Variants in TTC39A observed in about 807,000 individuals in gnomAD.
TTC39A encodes tetratricopeptide repeat domain 39A, also known as tetratricopeptide repeat protein 39A.
Under a neutral mutation model 82.3 loss-of-function variants are expected in TTC39A, and 46 were observed. That is an observed-to-expected ratio of 0.56 (90% CI 0.44 to 0.71). TTC39A has a LOEUF of 0.71. Ranked by LOEUF, TTC39A falls within the 30% of genes least tolerant of loss-of-function variation. The pLI, the probability that TTC39A is intolerant of heterozygous loss-of-function variation, is 0.00. For synonymous variants in TTC39A, 254 were observed against 275.2 expected (o/e 0.92, Z 0.76); for missense variants, 543 against 712.9 (o/e 0.76, Z 2.71).
Position 51,305,099 on chromosome 1 carries a change from C to G in TTC39A, c.636G>C (p.Val212=), listed in dbSNP as rs1161293493. 1 of 1,613,564 alleles carries G rather than the reference C, an allele frequency of 6.2e-7. No individual in the cohort carries two copies. Among genetic ancestry groups the G allele is most frequent in the Non-Finnish European group, 8.5e-7 (1 of 1,179,646 alleles). The stretch of plus-strand genomic sequence containing the variant: ...TGGTTACCTTGTTTCCTGAAAACCC[C>G]ACAAACTCCAACAGCCTCAGGATCC... ...PTRILRLLEF[V]GFSGNKDYGL... The change falls in exon 8 of 18, where the codon GTG becomes GTC. Residue 212 remains valine (V), a synonymous_variant. Transcript: ENST00000680483.
upstream of TTC39A, chr1:51,331,149 C>T (rs1349457853): frequency 2.7e-5 from 41 of 1,505,324 alleles, no homozygotes; most frequent in Admixed American, 3.3e-4. Context: ...CGCATGGTCA[C>T]TCACCTAATA....
chr1:51,306,240 C>A (rs145068695), intron 6 of TTC39A, among the ~76,000 whole-genome samples, 164 bp from the exon 7 acceptor site: 23 of 152,276 alleles, frequency 1.5e-4, no homozygotes, highest in Admixed American at 3.9e-4. Context: ...CCATCTCCCA[C>A]CATGATAACA....
chr1:51,294,596 C>G lies in TTC39A; in HGVS notation c.1146-85G>C. ...CCCCAGCCTACCCAGCTATGCTTGG[C>G]GCCTCTCTGGGCCTCAGTTTCCCCA... On this transcript the variant is annotated intron_variant, in intron 13 of 17. Transcript: ENST00000680483. The surrounding 1 kb of genome is among the most constrained non-coding windows in gnomAD (Gnocchi z 4.3). 1 of 1,575,562 alleles carries G rather than the reference C, an allele frequency of 6.3e-7. No individual in the cohort carries two copies. Among genetic ancestry groups the G allele is most frequent in the Non-Finnish European group, 8.6e-7 (1 of 1,159,758 alleles).
intron 1 of TTC39A, among the ~76,000 whole-genome samples, chr1:51,337,257 C>A (rs1209175604): frequency 2.0e-5 from 3 of 152,026 alleles, no homozygotes; most frequent in Non-Finnish European, 2.9e-5. Flanking sequence ...ACACCAGCCT[C>A]CTTGCTCACC....
intron 4 of TTC39A, among the ~76,000 whole-genome samples, chr1:51,311,599 C>A (rs933250662): frequency 3.3e-5 from 5 of 152,160 alleles, no homozygotes; most frequent in Non-Finnish European, 5.9e-5. Context: ...GAGGGTAAGG[C>A]CACTTTCCCC....
chr1:51,330,768 G>A (rs1645889684), upstream of TTC39A: 3 of 430,984 alleles, frequency 7.0e-6, no homozygotes, highest in Non-Finnish European at 7.1e-6. The surrounding 1 kb of genome is among the most constrained non-coding windows in gnomAD (Gnocchi z 4.5). Context: ...GACACCGCCC[G>A]GGCCGGGAGC....
rs1569969001 is a variant in TTC39A at position 51,322,378 on chromosome 1, T to C, written c.42-553A>G. 23 of 1,103,840 alleles carry C rather than the reference T, an allele frequency of 2.1e-5. 1 individual carries two copies. In the South Asian group the frequency reaches 7.1e-4, roughly 34 times the overall value. The allele number at this position is 1,103,840 out of a possible 1,614,324, so 68.4% of individuals were successfully genotyped here. On this transcript the variant is annotated intron_variant, in intron 1 of 17. Transcript: ENST00000680483. ...TTGCCAATGGCTCCTCCAGAATACCTGAGCCCTTTCCAGTCCTTACGTTTC... is the reference window on the plus strand; with the variant it reads ...TTGCCAATGGCTCCTCCAGAATACCCGAGCCCTTTCCAGTCCTTACGTTTC...
At chr1:51,343,144 A>G (rs56078667) in intron 1 of TTC39A, 7,764 of 444,136 alleles carry the variant, frequency 0.017, 114 homozygotes, top group Non-Finnish European at 0.028. Flanking sequence ...CCATGTCCTC[A>G]TCAAAACTGA....
At chr1:51,309,406 T>A (rs746647136) in intron 5 of TTC39A, 81 bp from the exon 6 acceptor site, 4 of 1,601,754 alleles carry the variant, frequency 2.5e-6, no homozygotes, top group Non-Finnish European at 3.4e-6. Context: ...GCTCTGGGCC[T>A]GACTGCCCCT....
chr1:51,293,930 T>C (rs540970095), intron 14 of TTC39A, among the ~76,000 whole-genome samples: 11 of 152,346 alleles, frequency 7.2e-5, no homozygotes, highest in Admixed American at 1.3e-4. Flanking sequence ...AATCAGGCAA[T>C]AGGCAATGGG....
chr1:51,302,282 A>T, intron 11 of TTC39A, 75 bp downstream of exon 11: 1 of 852,514 alleles, frequency 1.2e-6, no homozygotes, highest in Non-Finnish European at 1.7e-6. Context: ...TGAGTATGTC[A>T]CATGTGCCTG....
intron 8 of TTC39A, 134 bp from the exon 9 acceptor site, chr1:51,303,326 T>C: frequency 1.4e-6 from 1 of 720,780 alleles, no homozygotes; most frequent in East Asian, 2.7e-5. Flanking sequence ...GTCAGCTGTG[T>C]GGCCCTGAGC....
rs750664263 is a variant in TTC39A, at chr1:51,321,679, C to G, written c.146+42G>C. Reference sequence around the variant, plus strand: ...TACAAGACCTCTGGTTCTCCCTGACCGTCATGCACACCCCCTACCCCAACC... The same window carrying G: ...TACAAGACCTCTGGTTCTCCCTGACGGTCATGCACACCCCCTACCCCAACC... On this transcript the variant is annotated intron_variant, in intron 2 of 17. Transcript: ENST00000680483. The surrounding 1 kb of genome is among the most constrained non-coding windows in gnomAD (Gnocchi z 4.6). 6.3e-7 allele frequency: 1 copy of G among 1,582,902 alleles called. No homozygotes were observed. The highest frequency in any genetic ancestry group is 8.6e-7 in the Non-Finnish European group (1 of 1,156,254).
chr1:51,307,054 G>A (rs1045012503), intron 6 of TTC39A, among the ~76,000 whole-genome samples: 4 of 152,126 alleles, frequency 2.6e-5, no homozygotes, highest in Admixed American at 2.0e-4. Context: ...CCCTGAGGTC[G>A]GAACCACCTT....
chr1:51,315,560 C>A (rs147100298), intron 2 of TTC39A, among the ~76,000 whole-genome samples: 367 of 152,234 alleles, frequency 2.4e-3, no homozygotes, highest in Middle Eastern at 0.01. Context: ...ACTGAAGCTC[C>A]CCCTACTCCA....
intron 1 of TTC39A, among the ~76,000 whole-genome samples, chr1:51,339,743 G>A (rs1273012193): frequency 6.6e-6 from 1 of 152,180 alleles, no homozygotes; most frequent in Non-Finnish European, 1.5e-5. Flanking sequence ...GGGCAACATG[G>A]TGAAACCCCA....
intron 15 of TTC39A, 58 bp from the exon 16 acceptor site, chr1:51,290,177 T>G: frequency 6.6e-7 from 1 of 1,506,690 alleles, no homozygotes; most frequent in Non-Finnish European, 9.1e-7. Context: ...AGCAGTTACT[T>G]ATGGAGCCCC....
At chr1:51,311,150 G>T in intron 5 of TTC39A, 104 bp downstream of exon 5, 1 of 1,100,004 alleles carries the variant, frequency 9.1e-7, no homozygotes, top group Non-Finnish European at 1.3e-6. Flanking sequence ...AGTCGTGGTT[G>T]CTATGGGGGA....
chr1:51,345,070 CGCGGGCGGCCCCTCGCGGCG>C, exon 1 of TTC39A: 1 of 1,345,284 alleles, frequency 7.4e-7, no homozygotes, highest in Non-Finnish European at 9.5e-7. Flanking sequence ...CGGACGGGGC[CGCGGGCGGCCCCTCGCGGCG>C]GCGGCGGCGG....
Sources: gnomAD v4.1 joint callset for allele counts (sites outside exome capture counted in the v4.1 genomes callset) on GRCh38, gnomAD v4.1.1 for gene constraint, Gnocchi (gnomAD v3.1) non-coding constraint, MANE v1.5 for transcripts, NCBI Gene and HGNC (gene_info 2026-07-23, HGNC 2026-07-21) for gene names.